SLC41A2: variants seen among roughly 807,000 people sequenced by gnomAD.
SLC41A2 encodes SLC41A1-like 1.
A neutral mutation model predicts 58.3 loss-of-function variants in SLC41A2; 32 were observed. The ratio of observed to expected loss-of-function variants is 0.55; its 90% confidence interval spans 0.41 to 0.74. The LOEUF is 0.74. SLC41A2 is among the 30% of genes least tolerant of loss of function. The probability of loss-of-function intolerance (pLI) is 0.00; values close to 1 mark genes in which losing one functional copy is unlikely to be tolerated. For missense variants in SLC41A2, 514 were observed against 680.6 expected, an observed-to-expected ratio of 0.76 and a Z score of 2.72; for synonymous variants, 190 against 235.0, an observed-to-expected ratio of 0.81 and a Z score of 1.75.
At chr12:104,820,503 G>A (rs76318821) in intron 10 of SLC41A2, among the ~76,000 whole-genome samples, 3,644 of 152,212 alleles carry the variant, frequency 0.024, 91 homozygotes, top group East Asian at 0.095. Flanking sequence ...AACAATTTAC[G>A]TATACATTAT....
At chr12:104,905,377 G>C (rs1469703240) in intron 3 of SLC41A2, among the ~76,000 whole-genome samples, 1 of 152,256 alleles carries the variant, frequency 6.6e-6, no homozygotes, top group Non-Finnish European at 1.5e-5. Flanking sequence ...GCTGATTGGT[G>C]TATTTACAAT....
rs2040852204 is a variant in SLC41A2 at position 104,805,302 on chromosome 12, G to A, written c.1572C>T (p.Val524=). The change falls in exon 11 of 11, where the codon GTC becomes GTT. Residue 524 remains valine (V), a synonymous_variant. Transcript: ENST00000258538. ...FTLLWIADWM[V]HHFWRKGKDP... is the part of the protein sequence containing the mutation. Reference sequence around the variant, plus strand: ...CCTTTCCTTTCCTCCAGAAGTGATGGACCATCCAGTCAGCAATCCACAGCA... The same window carrying A: ...CCTTTCCTTTCCTCCAGAAGTGATGAACCATCCAGTCAGCAATCCACAGCA... 1 of 1,613,524 alleles carries A rather than the reference G, an allele frequency of 6.2e-7. No individual in the cohort carries two copies.
At chr12:104,824,293 G>T (rs1038704918) in intron 10 of SLC41A2, among the ~76,000 whole-genome samples, 1 of 151,238 alleles carries the variant, frequency 6.6e-6, no homozygotes, top group Non-Finnish European at 1.5e-5. Context: ...GCTGGACATC[G>T]AGAGGAGCAC....
chr12:104,876,799 G>A (rs569461219), intron 6 of SLC41A2, among the ~76,000 whole-genome samples: 1 of 152,250 alleles, frequency 6.6e-6, no homozygotes, highest in South Asian at 2.1e-4. Context: ...GATTCATTTG[G>A]TCTAAAGTGT....
At chr12:104,932,691 T>C (rs1009705893) in intron 1 of SLC41A2, among the ~76,000 whole-genome samples, 3 of 141,486 alleles carry the variant, frequency 2.1e-5, no homozygotes, top group Non-Finnish European at 4.6e-5. Flanking sequence ...AAAGTAGATA[T>C]ATAGACCAAA....
At chr12:104,867,940 C>G (rs1160245204) in intron 6 of SLC41A2, among the ~76,000 whole-genome samples, 1 of 151,700 alleles carries the variant, frequency 6.6e-6, no homozygotes, top group Admixed American at 6.6e-5. Flanking sequence ...TCTTCCATAT[C>G]ATGTAGGAAT....
At chr12:104,853,842 C>A (rs549854500) in intron 8 of SLC41A2, among the ~76,000 whole-genome samples, 40 of 151,178 alleles carry the variant, frequency 2.6e-4, no homozygotes, top group African/African-American at 9.5e-4. Context: ...CTCCTGGACT[C>A]AAGTGATCCT....
chr12:104,891,985 A>G (rs1266367030), intron 4 of SLC41A2, among the ~76,000 whole-genome samples: 2 of 152,144 alleles, frequency 1.3e-5, no homozygotes, highest in African/African-American at 2.4e-5. Context: ...AACCAAAGAC[A>G]TGAAAGATCT....
chr12:104,833,961 C>G (rs2042125488), intron 10 of SLC41A2: 1 of 929,622 alleles, frequency 1.1e-6, no homozygotes, highest in Non-Finnish European at 1.3e-6. Flanking sequence ...GCAATGTCAG[C>G]AGGATTCAGA....
chr12:104,808,075 T>C (rs1276211822), intron 10 of SLC41A2, among the ~76,000 whole-genome samples: 5 of 152,342 alleles, frequency 3.3e-5, no homozygotes, highest in South Asian at 4.1e-4. Context: ...TCCTGCCTGA[T>C]TGCCCTGGCC....
Position 104,844,602 on chromosome 12 carries a change from G to A in SLC41A2, c.1406C>T (p.Ala469Val), listed in dbSNP as rs1327054821. 6.5e-7 allele frequency: 1 copy of A among 1,538,022 alleles called. No individual in the cohort carries two copies. ...AATCACTAAAAGCAGTAGAACTTGA[G>A]CAGACTTATTATTTACTCCTGTAAT... ...FFGPGVNNKS[A>V]QVLLLLVIPG... is the part of the protein sequence containing the mutation. The change falls in exon 10 of 11, where the codon GCT (alanine) becomes GTT (valine). Residue 469 changes from alanine to valine, a missense_variant. Transcript: ENST00000258538.
At chr12:104,910,429 T>C (rs141544899) in intron 2 of SLC41A2, among the ~76,000 whole-genome samples, 2 of 152,308 alleles carry the variant, frequency 1.3e-5, no homozygotes, top group South Asian at 2.1e-4. Flanking sequence ...CTTTCTGATC[T>C]CAATTTCTTC....
chr12:104,820,346 C>T lies in SLC41A2; in HGVS notation c.1537-15009G>A, dbSNP rs372601689. ...GGCATGGCGGTGCACACCTGTAGTT[C>T]TAGCTACTCAGGAGGCTGAGGCAAG... On this transcript the variant is annotated intron_variant, in intron 10 of 10. Coordinates refer to ENST00000258538, the MANE Select transcript of SLC41A2 (RefSeq NM_001352171.3). Among the ~76,000 whole-genome samples, 155 of 152,334 alleles carry T rather than the reference C, an allele frequency of 1.0e-3. 1 individual carries two copies. Among genetic ancestry groups the T allele is most frequent in the African/African-American group, 3.6e-3 (149 of 41,576 alleles).
chr12:104,882,706 T>C (rs1257050082), intron 6 of SLC41A2, among the ~76,000 whole-genome samples: 1 of 152,236 alleles, frequency 6.6e-6, no homozygotes, highest in East Asian at 1.9e-4. Context: ...TCTGATGGGC[T>C]TCCCTTTGTG....
chr12:104,841,149 C>T (rs2042395021), intron 10 of SLC41A2, among the ~76,000 whole-genome samples: 1 of 152,086 alleles, frequency 6.6e-6, no homozygotes, highest in Non-Finnish European at 1.5e-5. Flanking sequence ...TTCCACTTCC[C>T]CAGAAATCAA....
chr12:104,928,039 TA>T lies in SLC41A2; in HGVS notation c.488del (p.Ile163AsnfsTer7). ...AACCAGCTAGCAAAAAGGGCACAAG[TA>T]TTTGCAATGCCATGATGCCACTGGA... ...KESSGIMALQ[I>X]LVPFLLAGFG... On this transcript the variant is annotated frameshift_variant, in exon 2 of 11. Transcript: ENST00000258538. LOFTEE classifies it high-confidence loss of function. 1 of 1,614,076 alleles carries T rather than the reference TA, an allele frequency of 6.2e-7. No homozygotes were observed. The highest frequency in any genetic ancestry group is 8.5e-7 in the Non-Finnish European group (1 of 1,179,966).
In SLC41A2 at chr12:104,882,339, T is replaced by A. The variant is rs553569701; in HGVS notation, c.1027+3954A>T. Among the ~76,000 whole-genome samples, 10 of 152,342 alleles carry A rather than the reference T, an allele frequency of 6.6e-5. No individual in the cohort carries two copies. The South Asian group carries it at 1.4e-3, about 22-fold the overall frequency. On this transcript the variant is annotated intron_variant, in intron 6 of 10. Transcript: ENST00000258538. ...TACATTTAACATTAATATTGTTATG[T>A]GTGAATTTGATCCTGTCATCATGAT...
chr12:104,928,080 T>C lies in SLC41A2; in HGVS notation c.448A>G (p.Lys150Glu). Reference sequence around the variant, plus strand: ...ATGCCACTGGATTCCTTTGGTAATTTTGGGGTCACTTCTACAATAGCATCT... The same window carrying C: ...ATGCCACTGGATTCCTTTGGTAATTCTGGGGTCACTTCTACAATAGCATCT... The part of the protein sequence containing the change: ...DEDAIVEVTP[K>E]LPKESSGIMA... Residue 150 changes from lysine to glutamate, a missense_variant, in exon 2 of 11, where the codon AAA becomes GAA. This residue lies in a region of SLC41A2 where 336 missense variants were observed against 430.0 expected (regional missense o/e 0.78). Transcript: ENST00000258538. 3 of 1,614,196 alleles carry C rather than the reference T, an allele frequency of 1.9e-6. No individual in the cohort carries two copies. The highest frequency in any genetic ancestry group is 2.5e-6 in the Non-Finnish European group (3 of 1,180,030).
At chr12:104,932,339 T>C (rs1176190580) in intron 1 of SLC41A2, among the ~76,000 whole-genome samples, 1 of 152,016 alleles carries the variant, frequency 6.6e-6, no homozygotes, top group Non-Finnish European at 1.5e-5. Context: ...TATAAGGATA[T>C]AGTAGGCAGG....
Sources: allele counts gnomAD v4.1 joint callset (sites outside exome capture counted in the v4.1 genomes callset), GRCh38; gene constraint gnomAD v4.1.1; regional missense constraint gnomAD v4.1.1; transcripts MANE v1.5; gene names NCBI Gene and HGNC (gene_info 2026-07-23, HGNC 2026-07-21).